Variants in GPLD1 observed in about 807,000 individuals in gnomAD.
GPLD1 encodes the protein glycosylphosphatidylinositol specific phospholipase D1.
In GPLD1, 84 loss-of-function variants were observed where a neutral mutation model predicts 112.6. The observed-to-expected ratio is 0.75, with a 90% confidence interval of 0.63 to 0.89. The LOEUF (loss-of-function observed/expected upper bound fraction) is 0.89. Ranked by LOEUF, GPLD1 falls within the 40% of genes least tolerant of loss-of-function variation. GPLD1 has a pLI of 0.00. For synonymous variants in GPLD1, 386 were observed against 403.8 expected (o/e 0.96, Z 0.53); for missense variants, 1,044 against 1,051.5 (o/e 0.99, Z 0.10).
intron 21 of GPLD1, 130 bp downstream of exon 21, chr6:24,436,983 G>T (rs557146898): frequency 3.6e-6 from 3 of 833,646 alleles, no homozygotes; most frequent in Admixed American, 2.5e-5. Flanking sequence ...CCTCATTCAA[G>T]ATCTGTCTAA....
chr6:24,467,311 T>A, intron 7 of GPLD1, 37 bp from the exon 8 acceptor site: 1 of 1,122,424 alleles, frequency 8.9e-7, no homozygotes, highest in South Asian at 1.2e-5. Context: ...TTGTTTTGAT[T>A]CTGAAGCTGA....
rs1246635226 is a variant in GPLD1, at chr6:24,442,602, G to A, written c.2020+2944C>T. ...TGGGACTACAGGTGCCCACCACCAC[G>A]CCCAGCTAATTTTTTGTGTTTTTAG... is the stretch of plus-strand genomic sequence containing the variant. On this transcript the variant is annotated intron_variant, in intron 20 of 24. Transcript: ENST00000230036. Among the ~76,000 whole-genome samples, 6 of 151,718 alleles carry A rather than the reference G, an allele frequency of 4.0e-5. No individual in the cohort carries two copies. In the South Asian group the frequency reaches 8.3e-4, roughly 21 times the overall value.
chr6:24,451,002 T>G (rs567741509), intron 14 of GPLD1, among the ~76,000 whole-genome samples: 1 of 152,206 alleles, frequency 6.6e-6, no homozygotes, highest in African/African-American at 2.4e-5. Flanking sequence ...AATAAATAAA[T>G]AAATAAATAA....
intron 11 of GPLD1, among the ~76,000 whole-genome samples, chr6:24,460,963 G>T (rs1366712992): frequency 6.6e-6 from 1 of 151,978 alleles, no homozygotes; most frequent in South Asian, 2.1e-4. Flanking sequence ...GGCTGGGCTC[G>T]AACTCCTGAG....
At chr6:24,468,348 T>C (rs996691218) in intron 7 of GPLD1, among the ~76,000 whole-genome samples, 8 of 152,184 alleles carry the variant, frequency 5.3e-5, no homozygotes, top group South Asian at 2.1e-4. Flanking sequence ...GACAAATGTA[T>C]ATCTGATTGC....
intron 21 of GPLD1, 123 bp from the exon 22 acceptor site, chr6:24,436,859 T>C (rs7772540): frequency 0.031 from 30,202 of 975,604 alleles, 1,381 homozygotes; most frequent in African/African-American, 0.19. Flanking sequence ...TTTAGTCGGC[T>C]GTGATTTCAT....
rs1762219940 is a variant in GPLD1, at chr6:24,425,908, A to G, written c.*3124T>C. On this transcript the variant is annotated 3_prime_UTR_variant, in exon 25 of 25. Coordinates refer to ENST00000230036, the MANE Select transcript of GPLD1 (RefSeq NM_001503.4). ...CAGCTTTATTTTTTGGAATTGCAAT[A>G]TTAAAGTTGCACGTTGGATTTAACT... 6.6e-6 allele frequency: 1 copy of G among 152,230 alleles called. No individual in the cohort carries two copies. The highest frequency in any genetic ancestry group is 1.5e-5 in the Non-Finnish European group (1 of 68,036). The allele number at this position is 152,230 out of a possible 1,614,324, so 9.4% of individuals were successfully genotyped here.
rs910877526 is a variant in GPLD1, at chr6:24,485,955, C to T, written c.153+120G>A. Reference sequence around the variant, plus strand: ...AAGTGCTGGGATTACAGGCATGAGCCACCACGCCCAGCCAAAATGAGTCTT... The same window carrying T: ...AAGTGCTGGGATTACAGGCATGAGCTACCACGCCCAGCCAAAATGAGTCTT... On this transcript the variant is annotated intron_variant, in intron 2 of 24. Transcript: ENST00000230036. The T allele has an allele frequency of 4.0e-5, 26 of 648,052 alleles. No homozygotes were observed. The Middle Eastern group carries it at 1.1e-3, about 28-fold the overall frequency. 40.1% of individuals were successfully genotyped at this position (648,052 alleles called of 1,614,324 possible).
rs1429624643 is a variant in GPLD1, at chr6:24,427,992, G to T, written c.*1040C>A. 6.6e-6 allele frequency among the ~76,000 whole-genome samples: 1 copy of T among 152,138 alleles called. No homozygotes were observed. Among genetic ancestry groups the T allele is most frequent in the Non-Finnish European group, 1.5e-5 (1 of 68,018 alleles). On this transcript the variant is annotated 3_prime_UTR_variant, in exon 25 of 25. Transcript: ENST00000230036. ...TGAACACAAAACAACACACACTGGG[G>T]TCTACTTGAGTGGGGAAGGTGGGAG... is the stretch of plus-strand genomic sequence containing the variant.
At chr6:24,454,334 T>C in intron 13 of GPLD1, 133 bp from the exon 14 acceptor site, 1 of 529,192 alleles carries the variant, frequency 1.9e-6, no homozygotes, top group Non-Finnish European at 3.3e-6. Flanking sequence ...GTGACTGTTG[T>C]GAATATTCAC....
intron 2 of GPLD1, among the ~76,000 whole-genome samples, chr6:24,481,275 T>C (rs910933233): frequency 2.2e-4 from 34 of 152,188 alleles, no homozygotes; most frequent in African/African-American, 8.2e-4. Flanking sequence ...AGCAGAGGGG[T>C]TTCCATTATC....
At chr6:24,465,570 T>TAAAAA (rs373392356) in intron 10 of GPLD1, among the ~76,000 whole-genome samples, 1 of 147,062 alleles carries the variant, frequency 6.8e-6, no homozygotes, top group Non-Finnish European at 1.5e-5. Flanking sequence ...CATGTGCTCT[T>TAAAAA]AAAAAAAAAA....
rs2127331234 is a variant in GPLD1 at position 24,447,108 on chromosome 6, T to C, written c.1679-129A>G. On this transcript the variant is annotated intron_variant, in intron 17 of 24. Transcript: ENST00000230036. The stretch of plus-strand genomic sequence containing the variant: ...TGCTGAGTTTTTGCCAGAGGTCTTA[T>C]ATGTCCCCATGCTGATCCCAGGACC... The C allele has an allele frequency of 1.0e-5, 7 of 701,848 alleles. No individual in the cohort carries two copies. In the South Asian group the frequency reaches 1.3e-4, roughly 13 times the overall value. The allele number at this position is 701,848 out of a possible 1,614,324, so 43.5% of individuals were successfully genotyped here.
rs1251813152 is a variant in GPLD1 at position 24,426,545 on chromosome 6, T to C, written c.*2487A>G. ...GCTTGCTATTGGGTGTATTCAGGCA[T>C]TGAGAAAAATATAAATCGTGAGGTA... is the stretch of plus-strand genomic sequence containing the variant. On this transcript the variant is annotated 3_prime_UTR_variant, in exon 25 of 25. Transcript: ENST00000230036. 6.6e-6 allele frequency among the ~76,000 whole-genome samples: 1 copy of C among 152,150 alleles called. No individual in the cohort carries two copies. Among genetic ancestry groups the C allele is most frequent in the Non-Finnish European group, 1.5e-5 (1 of 68,028 alleles).
intron 4 of GPLD1, among the ~76,000 whole-genome samples, 200 bp from the exon 5 acceptor site, chr6:24,475,431 T>C (rs552939467): frequency 6.6e-6 from 1 of 151,740 alleles, no homozygotes; most frequent in Non-Finnish European, 1.5e-5. Flanking sequence ...TCCCAGCTAC[T>C]CAGGAGGCTG....
chr6:24,425,311 C>G (rs1762196220), downstream of GPLD1: 1 of 152,138 alleles, frequency 6.6e-6, no homozygotes, highest in Admixed American at 6.6e-5. Context: ...TAAGATCAGG[C>G]ATAAGATAGA....
intron 10 of GPLD1, 78 bp from the exon 11 acceptor site, chr6:24,462,873 C>T (rs530933430): frequency 4.0e-6 from 4 of 994,520 alleles, no homozygotes; most frequent in Non-Finnish European, 6.5e-6. Flanking sequence ...CGGTAGTGCG[C>T]TTCAATCATC....
At chr6:24,490,122 T>G (rs556700001), upstream of GPLD1, among the ~76,000 whole-genome samples, 33 of 152,342 alleles carry the variant, frequency 2.2e-4, no homozygotes, top group Middle Eastern at 3.4e-3. Context: ...CTGGTCTCTC[T>G]ACCTCTGGCT....
intron 11 of GPLD1, among the ~76,000 whole-genome samples, chr6:24,461,789 T>A (rs1216139776): frequency 2.0e-5 from 3 of 152,226 alleles, no homozygotes; most frequent in African/African-American, 4.8e-5. Flanking sequence ...AGGAACTGTT[T>A]CTGTCTTGTT....
Sources: gnomAD v4.1 joint callset for allele counts (sites outside exome capture counted in the v4.1 genomes callset) on GRCh38, gnomAD v4.1.1 for gene constraint, MANE v1.5 for transcripts, NCBI Gene and HGNC (gene_info 2026-07-23, HGNC 2026-07-21) for gene names.